COL18A1: variants seen among roughly 807,000 people sequenced by gnomAD.
COL18A1 encodes collagen alpha-1(XVIII) chain.
COL18A1 carries 133 observed loss-of-function variants against 168.0 expected under a neutral mutation model. That is an observed-to-expected ratio of 0.79 (90% confidence interval 0.69 to 0.91). The LOEUF (loss-of-function observed/expected upper bound fraction) is 0.91, where lower values mean the gene tolerates loss of function less well. COL18A1 is among the 40% of genes least tolerant of loss of function. COL18A1 has a pLI of 0.00. For synonymous variants in COL18A1, 949 were observed against 809.0 expected (o/e 1.17, Z -2.94); for missense variants, 2,126 against 1,925.4 (o/e 1.10, Z -1.95).
rs182837471 is a variant in COL18A1 at position 45,463,830 on chromosome 21, G to A, written c.107-4412G>A. Among the ~76,000 whole-genome samples the A allele has an allele frequency of 1.7e-3, 256 of 152,214 alleles. 2 individuals are homozygous for A. Among genetic ancestry groups the A allele is most frequent in the South Asian group, 3.1e-3 (15 of 4,828 alleles). ...GAGAACTGCTTGAACCTGGGAGGTG[G>A]AGGTTGTGGTGAGCTGAGATTGCAC... is the stretch of plus-strand genomic sequence containing the variant. On this transcript the variant is annotated intron_variant, in intron 2 of 41. Transcript: ENST00000651438. This position sits in a 1 kb window ranked among gnomAD's most constrained non-coding sequence, Gnocchi z 4.0.
rs139671157 is a variant in COL18A1 at position 45,426,493 on chromosome 21, G to A, written c.106+21020G>A. ...GGCGGGCGTCCACACCCTCCTCGCC[G>A]AGATGGAGAAGCCCAAACCCCTGCA... On this transcript the variant is annotated intron_variant, in intron 2 of 41. Coordinates refer to ENST00000651438, the MANE Select transcript of COL18A1 (RefSeq NM_001379500.1). Among the ~76,000 whole-genome samples the A allele has an allele frequency of 2.2e-3, 342 of 152,266 alleles. 5 individuals carry two copies. The highest frequency in any genetic ancestry group is 0.019 in the Admixed American group (291 of 15,296).
rs2035733068 is a variant in COL18A1, at chr21:45,477,819, TC to T, written c.1079del (p.Pro360HisfsTer13). 1 of 1,551,840 alleles carries T rather than the reference TC, an allele frequency of 6.4e-7. No individual in the cohort carries two copies. On this transcript the variant is annotated frameshift_variant, in exon 8 of 42. Transcript: ENST00000651438. LOFTEE classifies it high-confidence loss of function. ...ACCTGGCCGGGCAGGCCCCCCAGGATCCCCATGCCTACCTGGTCCCCCGGGT... is the reference window on the plus strand; with the variant it reads ...ACCTGGCCGGGCAGGCCCCCCAGGATCCCATGCCTACCTGGTCCCCCGGGT... ...GPPGRAGPPG[S>X]PCLPGPPGLP...
intron 9 of COL18A1, 91 bp from the exon 10 acceptor site, chr21:45,479,811 C>A: frequency 1.3e-6 from 2 of 1,561,214 alleles, no homozygotes; most frequent in South Asian, 1.1e-5. Flanking sequence ...AGCTCCCGTC[C>A]GTCCCCTGCT....
chr21:45,442,934 T>C (rs2034415061), intron 2 of COL18A1, among the ~76,000 whole-genome samples: 1 of 138,128 alleles, frequency 7.2e-6, no homozygotes, highest in Non-Finnish European at 1.5e-5. Flanking sequence ...GCGGTGGTGG[T>C]GCTGGTGTGG....
chr21:45,503,077 T>C (rs1396866166), intron 32 of COL18A1: 1 of 152,200 alleles, frequency 6.6e-6, no homozygotes, highest in Non-Finnish European at 1.5e-5. Context: ...GTCCTTTGTG[T>C]ATATACCCAG....
At chr21:45,475,877 G>C (rs1037554557) in intron 5 of COL18A1, among the ~76,000 whole-genome samples, 1 of 150,964 alleles carries the variant, frequency 6.6e-6, no homozygotes, top group Non-Finnish European at 1.5e-5. Context: ...GGGAATGAAC[G>C]CGTGTGTGAG....
In COL18A1 at chr21:45,477,909, C is replaced by G. The variant is rs911055429; in HGVS notation, c.1165C>G (p.Gln389Glu). 1.3e-5 allele frequency: 21 copies of G among 1,565,996 alleles called. No homozygotes were observed. Among genetic ancestry groups the G allele is most frequent in the Non-Finnish European group, 1.7e-5 (20 of 1,155,544 alleles). The stretch of plus-strand genomic sequence containing the variant: ...AGCGTTGCAAACTGTCCCCGGACCA[C>G]AAGGACCCCCAGGGCCTCCGGGGAG... ...GPALQTVPGPQGPPGPPGRDG... is the reference protein window; with the variant it reads ...GPALQTVPGPEGPPGPPGRDG... Residue 389 changes from glutamine to glutamate, a missense_variant, in exon 8 of 42, where the codon CAA becomes GAA. Transcript: ENST00000651438.
chr21:45,468,192 C>T (rs1428338909), intron 2 of COL18A1, 50 bp from the exon 3 acceptor site: 2 of 1,606,394 alleles, frequency 1.2e-6, no homozygotes, highest in Non-Finnish European at 1.7e-6. Flanking sequence ...GTCGGTGGCC[C>T]CTGGTTCCGT....
At chr21:45,422,137 G>A (rs1005570652) in intron 2 of COL18A1, among the ~76,000 whole-genome samples, 6 of 151,708 alleles carry the variant, frequency 4.0e-5, no homozygotes, top group African/African-American at 1.5e-4. Context: ...ACACATACAG[G>A]TTCACATACA....
Position 45,492,724 on chromosome 21 carries a change from T to A in COL18A1, c.2214+11T>A, listed in dbSNP as rs781777894. On this transcript the variant is annotated intron_variant, in intron 24 of 41. Coordinates refer to ENST00000651438, the MANE Select transcript of COL18A1 (RefSeq NM_001379500.1). ...TTCGCAGGCTTTCCCGTGAGTAACC[T>A]GGTGCCAGAGCTGCATGCTGCCCGG... 6.1e-6 allele frequency: 9 copies of A among 1,478,054 alleles called. No homozygotes were observed. In the South Asian group the frequency reaches 1.0e-4, roughly 17 times the overall value. 91.6% of individuals were successfully genotyped at this position (1,478,054 alleles called of 1,614,324 possible). A position where few individuals can be genotyped will look rare whatever the true frequency, so the allele number is the denominator to read the frequency against.
intron 2 of COL18A1, among the ~76,000 whole-genome samples, chr21:45,433,468 A>G (rs1179953698): frequency 1.3e-5 from 2 of 152,034 alleles, no homozygotes; most frequent in Admixed American, 1.3e-4. Context: ...GCCACAGAGC[A>G]CCAAGAAAAT....
chr21:45,474,414 C>T (rs2035560625), intron 4 of COL18A1, among the ~76,000 whole-genome samples: 1 of 140,930 alleles, frequency 7.1e-6, no homozygotes, highest in African/African-American at 2.8e-5. Context: ...GTGTGTCTGT[C>T]TTGTGTGTCG....
At chr21:45,420,524 GACCCCTCCTTC>G in intron 2 of COL18A1, 1 of 152,380 alleles carries the variant, frequency 6.6e-6, no homozygotes, top group East Asian at 1.9e-4. Context: ...ACCGAGAACA[GACCCCTCCTTC>G]ATCCCTGCTG....
rs1374431615 is a variant in COL18A1 at position 45,405,372 on chromosome 21, C to A, written c.12-7C>A. ...TGCGGGGTCTGACCCGTGCCTGTCC[C>A]GCGCAGGTGCCCCTGGCCATGGCCG... On this transcript the variant is annotated splice_polypyrimidine_tract_variant and splice_region_variant and intron_variant, in intron 1 of 41. Transcript: ENST00000651438. 64 of 1,257,012 alleles carry A rather than the reference C, an allele frequency of 5.1e-5. No homozygotes were observed. The highest frequency in any genetic ancestry group is 6.3e-5 in the Non-Finnish European group (63 of 1,002,394). The allele number at this position is 1,257,012 out of a possible 1,614,324, so 77.9% of individuals were successfully genotyped here.
In COL18A1 at chr21:45,492,592, C is replaced by T. The variant is rs574494369; in HGVS notation, c.2187+28C>T. On this transcript the variant is annotated intron_variant, in intron 23 of 41. Coordinates refer to ENST00000651438, the MANE Select transcript of COL18A1 (RefSeq NM_001379500.1). ...ATGTGCCTGCCCAGCTTCTAAGAGA[C>T]GGGCCTGCGGGGACCTGGGTACAAG... 1.6e-5 allele frequency: 25 copies of T among 1,612,406 alleles called. No individual in the cohort carries two copies. The South Asian group carries it at 1.6e-4, about 11-fold the overall frequency.
chr21:45,405,360 C>A lies in COL18A1; in HGVS notation c.12-19C>A. On this transcript the variant is annotated intron_variant, in intron 1 of 41. Coordinates refer to ENST00000651438, the MANE Select transcript of COL18A1 (RefSeq NM_001379500.1). ...TCGCGGGGGTCCTGCGGGGTCTGAC[C>A]CGTGCCTGTCCCGCGCAGGTGCCCC... 9.8e-7 allele frequency: 1 copy of A among 1,025,310 alleles called. No individual in the cohort carries two copies. The highest frequency in any genetic ancestry group is 1.1e-6 in the Non-Finnish European group (1 of 874,636). 63.5% of individuals were successfully genotyped at this position (1,025,310 alleles called of 1,614,324 possible).
chr21:45,490,296 G>A lies in COL18A1; in HGVS notation c.1981G>A (p.Val661Ile), dbSNP rs62000962. 0.12 allele frequency: 190,846 copies of A among 1,585,750 alleles called. 12,184 individuals carry two copies. The highest frequency in any genetic ancestry group is 0.15 in the African/African-American group (11,335 of 74,114). ...TCAGGGAGAAGTTGGAGCAGATGGA[G>A]TCCCCGGGTTCCCCGGCCTCCCTGG... ...GAKGEVGADG[V>I]PGFPGLPGRE... is the part of the protein sequence containing the mutation. Residue 661 changes from valine (V) to isoleucine (I), a missense_variant, in exon 20 of 42, where the codon GTC (valine) becomes ATC (isoleucine). Physicochemically the swap from Val to Ile is conservative, Grantham distance 29. Coordinates refer to ENST00000651438, the MANE Select transcript of COL18A1 (RefSeq NM_001379500.1).
chr21:45,497,162 C>T lies in COL18A1; in HGVS notation c.2620+70C>T, dbSNP rs1268956832. The T allele has an allele frequency of 9.8e-6, 10 of 1,015,952 alleles. No individual in the cohort carries two copies. In the Admixed American group the frequency reaches 1.4e-4, roughly 14 times the overall value. The allele number at this position is 1,015,952 out of a possible 1,614,324, so 62.9% of individuals were successfully genotyped here. On this transcript the variant is annotated intron_variant, in intron 31 of 41. Transcript: ENST00000651438. ...ATGCTCCAGAGCCCCACCTTCCTTC[C>T]CGTGCCAGCAGCAGTGAGACTCCCC...
intron 2 of COL18A1, chr21:45,408,636 C>T (rs928026995): frequency 1.3e-5 from 2 of 152,284 alleles, no homozygotes; most frequent in Non-Finnish European, 2.9e-5. Context: ...GAGGGGCCCC[C>T]ACAACACCCT....
Sources: gnomAD v4.1 joint callset for allele counts (sites outside exome capture counted in the v4.1 genomes callset) on GRCh38, gnomAD v4.1.1 for gene constraint, Gnocchi (gnomAD v3.1) non-coding constraint, MANE v1.5 for transcripts, NCBI Gene and HGNC (gene_info 2026-07-23, HGNC 2026-07-21) for gene names.